The following KCNIP4 variants were observed in gnomAD, a reference collection of about 807,000 sequenced individuals.
KCNIP4 encodes Kv channel-interacting protein 4.
KCNIP4 carries 12 observed loss-of-function variants against 34.0 expected under a neutral mutation model. That is an observed-to-expected ratio of 0.35 (90% CI 0.23 to 0.57). The LOEUF (loss-of-function observed/expected upper bound fraction) is 0.57. KCNIP4 is among the 20% of genes least tolerant of loss of function. KCNIP4 has a pLI of 0.83. For missense variants in KCNIP4, 238 were observed against 311.7 expected (o/e 0.76, Z 1.78); for synonymous variants, 124 against 102.2 (o/e 1.21, Z -1.29).
chr4:21,537,717 A>C (rs1446150427), intron 1 of KCNIP4, among the ~76,000 whole-genome samples: 1 of 152,038 alleles, frequency 6.6e-6, no homozygotes, highest in Non-Finnish European at 1.5e-5. Flanking sequence ...TCATCCTTAC[A>C]AGAAGAGGGA....
At chr4:21,745,352 C>A (rs1412883979) in intron 1 of KCNIP4, among the ~76,000 whole-genome samples, 3 of 152,096 alleles carry the variant, frequency 2.0e-5, no homozygotes, top group Admixed American at 2.0e-4. Context: ...TACTCTTTAT[C>A]TTTAGGTTCT....
At chr4:21,165,924 G>A (rs1002955033) in intron 1 of KCNIP4, among the ~76,000 whole-genome samples, 9 of 152,162 alleles carry the variant, frequency 5.9e-5, no homozygotes, top group East Asian at 1.9e-4. Context: ...TCTTGAGAGC[G>A]TGAGTTTACC....
At position 20,823,313 on chromosome 4, in the gene KCNIP4, G is replaced by T. The variant is rs991943373; in HGVS notation, c.288+27230C>A. Among the ~76,000 whole-genome samples the T allele has an allele frequency of 2.0e-5, 3 of 152,068 alleles. No homozygotes were observed. In the East Asian group the frequency reaches 5.8e-4, roughly 29 times the overall value. On this transcript the variant is annotated intron_variant, in intron 3 of 8. Transcript: ENST00000382152. ...GAAGGTCCTTGTATGTAATGCAAAT[G>T]AAATAAAATTTTATTTAAATAAAAG...
At chr4:20,845,276 G>A (rs975776355) in intron 3 of KCNIP4, among the ~76,000 whole-genome samples, 1 of 152,060 alleles carries the variant, frequency 6.6e-6, no homozygotes, top group South Asian at 2.1e-4. Flanking sequence ...AAGAAAAATG[G>A]CTAGTACCTG....
intron 1 of KCNIP4, among the ~76,000 whole-genome samples, chr4:21,864,996 T>C (rs992653665): frequency 6.6e-6 from 1 of 152,134 alleles, no homozygotes; most frequent in African/African-American, 2.4e-5. Flanking sequence ...ACTAGATGAC[T>C]GAAATAAAGT....
At chr4:20,734,155 G>C (rs1749034675) in intron 6 of KCNIP4, among the ~76,000 whole-genome samples, 1 of 152,116 alleles carries the variant, frequency 6.6e-6, no homozygotes, top group South Asian at 2.1e-4. Flanking sequence ...TGTAATACGA[G>C]TATCTTAATT....
intron 1 of KCNIP4, among the ~76,000 whole-genome samples, chr4:21,446,174 T>G (rs978474952): frequency 6.6e-6 from 1 of 152,182 alleles, no homozygotes; most frequent in African/African-American, 2.4e-5. Flanking sequence ...ATGCTGTTGG[T>G]GGGACTGTAA....
chr4:21,339,235 A>G (rs1223164103), intron 1 of KCNIP4, among the ~76,000 whole-genome samples: 2 of 152,234 alleles, frequency 1.3e-5, no homozygotes, highest in African/African-American at 4.8e-5. Flanking sequence ...AGAAATGCCT[A>G]TTTGTTCACT....
rs568017904 is a variant in KCNIP4, at chr4:21,943,473, G to A, written c.61+5098C>T. On this transcript the variant is annotated intron_variant, in intron 1 of 8. Coordinates refer to ENST00000382152, the MANE Select transcript of KCNIP4 (RefSeq NM_025221.6). ...GAGGATTGCTTGAGGCCAGGAGTTC[G>A]AGGCTGCAGTGACCCATAATGGCAC... 9.9e-5 allele frequency among the ~76,000 whole-genome samples: 15 copies of A among 152,164 alleles called. No individual in the cohort carries two copies. In the East Asian group the frequency reaches 1.7e-3, roughly 18 times the overall value.
chr4:20,984,220 C>T (rs1039680704), intron 1 of KCNIP4, among the ~76,000 whole-genome samples: 2 of 152,340 alleles, frequency 1.3e-5, no homozygotes, highest in African/African-American at 2.4e-5. Context: ...ACTTCGACTT[C>T]AGAGCTGCGA....
chr4:21,180,620 G>T (rs1754770155), intron 1 of KCNIP4, among the ~76,000 whole-genome samples: 1 of 151,408 alleles, frequency 6.6e-6, no homozygotes, highest in Non-Finnish European at 1.5e-5. Flanking sequence ...AGAAACTACT[G>T]TTGGCAAGTT....
At chr4:21,646,998 C>A (rs1281401766) in intron 1 of KCNIP4, among the ~76,000 whole-genome samples, 2 of 151,946 alleles carry the variant, frequency 1.3e-5, no homozygotes, top group Admixed American at 6.6e-5. Flanking sequence ...GGAAAAAAAA[C>A]CACAACAGTT....
intron 1 of KCNIP4, among the ~76,000 whole-genome samples, chr4:20,933,946 TTTCCACAC>T (rs1730769466): frequency 6.6e-6 from 1 of 152,192 alleles, no homozygotes; most frequent in African/African-American, 2.4e-5. Context: ...ATGTGATATA[TTTCCACAC>T]TTCTATTTGC....
chr4:21,290,989 A>G (rs937931524), intron 1 of KCNIP4, among the ~76,000 whole-genome samples: 2 of 152,232 alleles, frequency 1.3e-5, no homozygotes, highest in Non-Finnish European at 2.9e-5. Context: ...TAGAAGAAGT[A>G]GAGGCTCAGA....
chr4:21,525,986 T>C (rs560002092), intron 1 of KCNIP4, among the ~76,000 whole-genome samples: 1 of 135,288 alleles, frequency 7.4e-6, no homozygotes, highest in South Asian at 2.1e-4. Context: ...TCAAAAACAT[T>C]ATCCAATTTT....
intron 1 of KCNIP4, among the ~76,000 whole-genome samples, chr4:21,479,631 A>C (rs2109829458): frequency 6.6e-6 from 1 of 152,326 alleles, no homozygotes; most frequent in South Asian, 2.1e-4. Context: ...GTCATACAAA[A>C]CAAAAATCAG....
Position 21,368,625 on chromosome 4 carries a change from G to A in KCNIP4, c.62-485916C>T, listed in dbSNP as rs1720035856. ...AAGTGATGTAGCCAAATAGATGTAG[G>A]CAGTCTGGTTCTAGAGCCTGTGAAG... On this transcript the variant is annotated intron_variant, in intron 1 of 8. Transcript: ENST00000382152. 1.4e-5 allele frequency among the ~76,000 whole-genome samples: 2 copies of A among 147,222 alleles called. 1 individual carries two copies. Among genetic ancestry groups the A allele is most frequent in the South Asian group, 4.2e-4 (2 of 4,730 alleles).
intron 3 of KCNIP4, among the ~76,000 whole-genome samples, chr4:20,825,225 G>GTTTTTTTTTTTTTTTTTTTTTTTTTTTTT (rs71181592): frequency 8.8e-6 from 1 of 113,638 alleles, no homozygotes; most frequent in Non-Finnish European, 1.7e-5. Context: ...TCAATTTTAC[G>GTTTTTTTTTTTTTTTTTTTTTTTTTTTTT]TTTTTTTTTT....
chr4:21,897,808 T>G (rs1476237037), intron 1 of KCNIP4, among the ~76,000 whole-genome samples: 1 of 152,076 alleles, frequency 6.6e-6, no homozygotes. Context: ...AAAAATCAGG[T>G]AGGCATTCGC....
Sources: allele counts gnomAD v4.1 joint callset (sites outside exome capture counted in the v4.1 genomes callset), GRCh38; gene constraint gnomAD v4.1.1; transcripts MANE v1.5; gene names NCBI Gene and HGNC (gene_info 2026-07-23, HGNC 2026-07-21).